Variants in NFYC observed in about 807,000 individuals in gnomAD.
NFYC encodes nuclear transcription factor Y subunit gamma, also known as CAAT box DNA-binding protein subunit C.
Under a neutral mutation model 53.1 loss-of-function variants are expected in NFYC, and 25 were observed. That is an observed-to-expected ratio of 0.47 (90% CI 0.34 to 0.66). The LOEUF (loss-of-function observed/expected upper bound fraction) is 0.66, where lower values mean the gene tolerates loss of function less well. Among genes scored for constraint, NFYC ranks in the 30% least tolerant of loss-of-function variants. The pLI, the probability that NFYC is intolerant of heterozygous loss-of-function variation, is 0.01. For synonymous variants in NFYC, 145 were observed against 152.6 expected, an observed-to-expected ratio of 0.95 and a Z score of 0.37; for missense variants, 260 against 422.7, an observed-to-expected ratio of 0.62 and a Z score of 3.38.
intron 6 of NFYC, 143 bp downstream of exon 6, chr1:40,758,437 G>GTAGCTGAATCTGGGGAAA: frequency 2.1e-6 from 2 of 930,320 alleles, no homozygotes; most frequent in Non-Finnish European, 3.1e-6. Flanking sequence ...CTTTTCCCCA[G>GTAGCTGAATCTGGGGAAA]ATTCAGCTAC....
At chr1:40,765,328 G>T (rs1391514103) in intron 7 of NFYC, among the ~76,000 whole-genome samples, 2 of 152,172 alleles carry the variant, frequency 1.3e-5, no homozygotes, top group African/African-American at 4.8e-5. Context: ...CCTCCATCTT[G>T]CCTCAAGTGG....
At chr1:40,751,780 TC>T (rs1404251601) in intron 4 of NFYC, among the ~76,000 whole-genome samples, 2 of 152,202 alleles carry the variant, frequency 1.3e-5, no homozygotes, top group Admixed American at 1.3e-4. Flanking sequence ...TTTTTCTTTT[TC>T]CCCTTTTATT....
intron 4 of NFYC, among the ~76,000 whole-genome samples, chr1:40,752,319 G>A (rs947453531): frequency 1.3e-5 from 2 of 152,026 alleles, no homozygotes; most frequent in Admixed American, 6.5e-5. Flanking sequence ...ATTCACTAGC[G>A]TTCAGTGTTT....
chr1:40,752,325 T>G (rs1645962148), intron 4 of NFYC, among the ~76,000 whole-genome samples: 1 of 152,254 alleles, frequency 6.6e-6, no homozygotes, highest in Admixed American at 6.5e-5. Flanking sequence ...TAGCGTTCAG[T>G]GTTTTTTCAT....
In NFYC at chr1:40,769,338, C is replaced by T. The variant is rs1646973459; in HGVS notation, c.829-18C>T. ...CCCTGCAGCTGACATACCAACTCTA[C>T]CATCTTGATTCTTACAGATTACACA... On this transcript the variant is annotated intron_variant, in intron 8 of 9. Transcript: ENST00000447388. The T allele has an allele frequency of 1.9e-6, 3 of 1,613,594 alleles. No individual in the cohort carries two copies. In the African/African-American group the frequency reaches 4.0e-5, roughly 22 times the overall value.
intron 1 of NFYC, among the ~76,000 whole-genome samples, chr1:40,729,764 C>T (rs936280924): frequency 2.0e-5 from 3 of 151,618 alleles, no homozygotes; most frequent in African/African-American, 7.3e-5. Flanking sequence ...CAACCTTCGC[C>T]TCCTGGGTTC....
At chr1:40,736,195 G>A (rs1645016214) in intron 1 of NFYC, among the ~76,000 whole-genome samples, 2 of 151,872 alleles carry the variant, frequency 1.3e-5, no homozygotes, top group African/African-American at 4.8e-5. Flanking sequence ...ACCCACTAAT[G>A]TCATTACACC....
In NFYC at chr1:40,770,382, T is replaced by C; in HGVS notation, c.889-327T>C. 1 of 1,538,428 alleles carries C rather than the reference T, an allele frequency of 6.5e-7. No homozygotes were observed. Among genetic ancestry groups the C allele is most frequent in the Non-Finnish European group, 8.8e-7 (1 of 1,137,980 alleles). ...CTGCTGGTACAGTGGTTCGAATTGC[T>C]TGTGTTTGCCACAGAGGAACAGCGT... On this transcript the variant is annotated intron_variant, in intron 9 of 9. Transcript: ENST00000447388. The surrounding 1 kb of genome is among the most constrained non-coding windows in gnomAD (Gnocchi z 5.3).
chr1:40,723,467 C>T (rs535983946), intron 1 of NFYC, among the ~76,000 whole-genome samples: 105 of 152,180 alleles, frequency 6.9e-4, no homozygotes, highest in African/African-American at 2.3e-3. Context: ...TTCTGTGGGG[C>T]AGAGGGGGTC....
intron 7 of NFYC, among the ~76,000 whole-genome samples, chr1:40,764,808 C>G (rs1180077609): frequency 6.6e-6 from 1 of 152,162 alleles, no homozygotes; most frequent in Non-Finnish European, 1.5e-5. Flanking sequence ...CAGACCTGTC[C>G]TGCTGTAGAG....
At chr1:40,692,676 G>T (rs1642895159) in intron 1 of NFYC, among the ~76,000 whole-genome samples, 2 of 152,128 alleles carry the variant, frequency 1.3e-5, no homozygotes, top group African/African-American at 4.8e-5. Flanking sequence ...GGTTTTGGTG[G>T]AGCCCTGGAG....
rs116280910 is a variant in NFYC at position 40,760,842 on chromosome 1, G to C, written c.562-2046G>C. On this transcript the variant is annotated intron_variant, in intron 6 of 9. Transcript: ENST00000447388. ...ACTGTGCTAGGCAGGAGGGTTCAAA[G>C]ATAATGGCTGCTCAGTCACTGGCTC... Among the ~76,000 whole-genome samples, 495 of 152,340 alleles carry C rather than the reference G, an allele frequency of 3.2e-3. 3 individuals are homozygous for C. Among genetic ancestry groups the C allele is most frequent in the African/African-American group, 0.01 (430 of 41,568 alleles).
intron 1 of NFYC, among the ~76,000 whole-genome samples, chr1:40,699,445 CATT>C (rs370800660): frequency 6.6e-6 from 1 of 152,150 alleles, no homozygotes; most frequent in African/African-American, 2.4e-5. Context: ...ATAAAGTACA[CATT>C]ATCTGCACAG....
chr1:40,751,361 G>A (rs1645902371), intron 4 of NFYC, among the ~76,000 whole-genome samples: 1 of 152,192 alleles, frequency 6.6e-6, no homozygotes, highest in African/African-American at 2.4e-5. Context: ...TTAGGGGAGT[G>A]TGGGGAAGGA....
chr1:40,699,152 G>A (rs957892566), intron 1 of NFYC, among the ~76,000 whole-genome samples: 1 of 151,712 alleles, frequency 6.6e-6, no homozygotes, highest in African/African-American at 2.4e-5. Context: ...TGACGACAGG[G>A]TGAGACTGTC....
chr1:40,759,647 A>G (rs1355353772), intron 6 of NFYC, among the ~76,000 whole-genome samples: 1 of 151,866 alleles, frequency 6.6e-6, no homozygotes, highest in Non-Finnish European at 1.5e-5. Flanking sequence ...GGAGGGGATG[A>G]GTAGCTGAGA....
At chr1:40,747,450 C>G in intron 2 of NFYC, 84 bp from the exon 3 acceptor site, 1 of 905,420 alleles carries the variant, frequency 1.1e-6, no homozygotes, top group Admixed American at 1.9e-5. Flanking sequence ...AGGGACCAAG[C>G]CAGAGTGTTT....
At chr1:40,717,170 G>T (rs1644168089) in intron 1 of NFYC, among the ~76,000 whole-genome samples, 2 of 151,866 alleles carry the variant, frequency 1.3e-5, no homozygotes, top group South Asian at 4.1e-4. Context: ...TCAAGAAAGA[G>T]AATTGACAGA....
intron 1 of NFYC, among the ~76,000 whole-genome samples, chr1:40,696,271 C>T (rs1643139546): frequency 6.6e-6 from 1 of 152,168 alleles, no homozygotes; most frequent in Non-Finnish European, 1.5e-5. Context: ...GATCCGCCCT[C>T]TTCGGCCTCC....
Sources: allele counts gnomAD v4.1 joint callset (sites outside exome capture counted in the v4.1 genomes callset), GRCh38; gene constraint gnomAD v4.1.1; non-coding constraint Gnocchi (gnomAD v3.1); transcripts MANE v1.5; gene names NCBI Gene and HGNC (gene_info 2026-07-23, HGNC 2026-07-21).